Variants in POMGNT2 observed in about 807,000 individuals in gnomAD.
POMGNT2 encodes protein O-linked mannose N-acetylglucosaminyltransferase 2 (beta 1,4-), also known as protein O-linked-mannose beta-1,4-N-acetylglucosaminyltransferase 2.
Under a neutral mutation model 37.8 loss-of-function variants are expected in POMGNT2, and 32 were observed. The ratio of observed to expected loss-of-function variants is 0.85; its 90% CI spans 0.64 to 1.14. The LOEUF is 1.14. Ranked by LOEUF, POMGNT2 falls within the 50% of genes most tolerant of loss-of-function variation. POMGNT2 has a pLI of 0.00. For synonymous variants in POMGNT2, 340 were observed against 336.8 expected, an observed-to-expected ratio of 1.01 and a Z score of -0.10; for missense variants, 705 against 780.6, an observed-to-expected ratio of 0.90 and a Z score of 1.15.
At chr3:43,104,002 C>T (rs1385064708) in intron 1 of POMGNT2, among the ~76,000 whole-genome samples, 1 of 152,194 alleles carries the variant, frequency 6.6e-6, no homozygotes, top group East Asian at 1.9e-4. Flanking sequence ...CTGGCTTTCA[C>T]TCTCAGCCAG....
At chr3:43,103,272 C>A (rs1671373742) in intron 1 of POMGNT2, among the ~76,000 whole-genome samples, 1 of 152,182 alleles carries the variant, frequency 6.6e-6, no homozygotes, top group Non-Finnish European at 1.5e-5. Context: ...CAGTCCAGGG[C>A]TCCTTCTCCT....
At chr3:43,089,219 A>G (rs1171975159) in intron 1 of POMGNT2, among the ~76,000 whole-genome samples, 7 of 152,254 alleles carry the variant, frequency 4.6e-5, no homozygotes, top group African/African-American at 1.7e-4. Context: ...GGTGGGCTTC[A>G]GTGAGCCCTG....
intron 1 of POMGNT2, among the ~76,000 whole-genome samples, chr3:43,090,147 A>G (rs1484914191): frequency 6.6e-6 from 1 of 152,170 alleles, no homozygotes. Context: ...CATTGATAAT[A>G]AAGAGAAACT....
chr3:43,079,663 C>T lies in POMGNT2; in HGVS notation c.*26G>A. 1.3e-6 allele frequency: 2 copies of T among 1,587,246 alleles called. No individual in the cohort carries two copies. Among genetic ancestry groups the T allele is most frequent in the East Asian group, 2.2e-5 (1 of 44,664 alleles). On this transcript the variant is annotated 3_prime_UTR_variant, in exon 2 of 2. Coordinates refer to ENST00000344697, the MANE Select transcript of POMGNT2 (RefSeq NM_032806.6). The stretch of plus-strand genomic sequence containing the variant: ...GACGCTGAACTGCAGGAGCCACCTT[C>T]CCGAGGCCAGGCTGTGGCCTGCTCG...
At position 43,081,164 on chromosome 3, in the gene POMGNT2, C is replaced by G; in HGVS notation, c.268G>C (p.Ala90Pro). The change falls in exon 2 of 2, where the codon GCT (alanine) becomes CCT (proline). Residue 90 changes from alanine to proline, a missense_variant. Physicochemically the swap from Ala to Pro is conservative, Grantham distance 27. Coordinates refer to ENST00000344697, the MANE Select transcript of POMGNT2 (RefSeq NM_032806.6). ...CCATGGAAGAAGATGAACTCCTCAG[C>G]CTCGTTGGAGTAGCAGAGCCACTTG... is the stretch of plus-strand genomic sequence containing the variant. ...RFKWLCYSNE[A>P]EEFIFFHGNT... is the part of the protein sequence containing the mutation. 1 of 1,614,232 alleles carries G rather than the reference C, an allele frequency of 6.2e-7. No homozygotes were observed. The highest frequency in any genetic ancestry group is 8.5e-7 in the Non-Finnish European group (1 of 1,180,042).
At chr3:43,097,121 G>A (rs1479120487) in intron 1 of POMGNT2, among the ~76,000 whole-genome samples, 3 of 152,160 alleles carry the variant, frequency 2.0e-5, no homozygotes. Flanking sequence ...CCAGACACGG[G>A]CACAGAAAAG....
Position 43,081,540 on chromosome 3 carries a change from CA to C in POMGNT2, c.-105-5del. The C allele has an allele frequency of 1.1e-6, 1 of 942,212 alleles. No homozygotes were observed. Among genetic ancestry groups the C allele is most frequent in the Non-Finnish European group, 1.5e-6 (1 of 645,612 alleles). The allele number at this position is 942,212 out of a possible 1,614,324, so 58.4% of individuals were successfully genotyped here. A position where few individuals can be genotyped will look rare whatever the true frequency, so the allele number is the denominator to read the frequency against. ...CATCCTGAGAACTGGTGAAAGCCTG[CA>C]GGAGGAGAGAAGGAAAAGAAAAAGG... is the stretch of plus-strand genomic sequence containing the variant. On this transcript the variant is annotated splice_region_variant and splice_polypyrimidine_tract_variant and intron_variant, in intron 1 of 1. Transcript: ENST00000344697.
chr3:43,094,688 T>C (rs565619394), intron 1 of POMGNT2, among the ~76,000 whole-genome samples: 1 of 152,338 alleles, frequency 6.6e-6, no homozygotes, highest in East Asian at 1.9e-4. Flanking sequence ...GGGATAAGAA[T>C]TCTTTCAGAC....
intron 1 of POMGNT2, among the ~76,000 whole-genome samples, chr3:43,103,165 A>G (rs901653049): frequency 6.6e-6 from 1 of 152,128 alleles, no homozygotes; most frequent in African/African-American, 2.4e-5. Flanking sequence ...ACCCTTAGAA[A>G]TGATTTCCTC....
intron 1 of POMGNT2, among the ~76,000 whole-genome samples, chr3:43,094,326 A>G (rs1174473649): frequency 3.3e-5 from 5 of 152,210 alleles, no homozygotes; most frequent in Non-Finnish European, 7.3e-5. Flanking sequence ...TAAACACACA[A>G]TTCTCTAGGA....
intron 1 of POMGNT2, among the ~76,000 whole-genome samples, chr3:43,091,645 T>C (rs1462092503): frequency 2.0e-5 from 3 of 152,208 alleles, no homozygotes; most frequent in Non-Finnish European, 2.9e-5. Flanking sequence ...GCATATTAAT[T>C]ACAAAGGTAA....
intron 1 of POMGNT2, among the ~76,000 whole-genome samples, chr3:43,099,019 T>C (rs1247486614): frequency 1.3e-5 from 2 of 152,140 alleles, no homozygotes; most frequent in Non-Finnish European, 2.9e-5. Flanking sequence ...TGTGTACCAG[T>C]GTGGTCATAA....
At chr3:43,100,325 T>C (rs993788521) in intron 1 of POMGNT2, among the ~76,000 whole-genome samples, 1 of 152,224 alleles carries the variant, frequency 6.6e-6, no homozygotes, top group African/African-American at 2.4e-5. Flanking sequence ...TTACATTGTA[T>C]TAGGTATTAT....
At chr3:43,085,667 C>T (rs760360142) in intron 1 of POMGNT2, among the ~76,000 whole-genome samples, 8 of 152,044 alleles carry the variant, frequency 5.3e-5, no homozygotes, top group African/African-American at 9.7e-5. Flanking sequence ...GGCATGAAAA[C>T]GGACTAATAC....
chr3:43,088,829 T>C (rs1004270914), intron 1 of POMGNT2, among the ~76,000 whole-genome samples: 6 of 152,250 alleles, frequency 3.9e-5, no homozygotes, highest in African/African-American at 1.4e-4. Flanking sequence ...GCCCCATCTC[T>C]GGACATCCTG....
intron 1 of POMGNT2, among the ~76,000 whole-genome samples, chr3:43,085,106 T>C (rs2089886859): frequency 6.6e-6 from 1 of 151,892 alleles, no homozygotes; most frequent in Admixed American, 6.6e-5. Flanking sequence ...GCACAGAGTG[T>C]GTGTCAGGGT....
At chr3:43,081,989 G>A (rs1375552200) in intron 1 of POMGNT2, among the ~76,000 whole-genome samples, 3 of 152,368 alleles carry the variant, frequency 2.0e-5, no homozygotes, top group East Asian at 1.9e-4. Context: ...ATGACTGAGT[G>A]GGCCCAGCCA....
chr3:43,080,875 G>A lies in POMGNT2; in HGVS notation c.557C>T (p.Ala186Val), dbSNP rs772178128. 3.7e-6 allele frequency: 6 copies of A among 1,614,126 alleles called. No homozygotes were observed. The Middle Eastern group carries it at 8.2e-4, about 222-fold the overall frequency. ...CATGAAGAAGAGCCGTGCCTCGTGG[G>A]CCAGGCCGGGAAACTGCCGCAGGGT... Reference protein sequence around the residue: ...FYTLRQFPGLAHEARLFFMEG... With the variant: ...FYTLRQFPGLVHEARLFFMEG... Residue 186 changes from alanine (A) to valine (V), a missense_variant, in exon 2 of 2, where the codon GCC becomes GTC. Transcript: ENST00000344697.
rs191995429 is a variant in POMGNT2 at position 43,094,782 on chromosome 3, T to C, written c.-106+11054A>G. The stretch of plus-strand genomic sequence containing the variant: ...CAGGATCCCAGCATCACAAGAAATA[T>C]GACTGTGCAGTGACAAGGAACTCCC... On this transcript the variant is annotated intron_variant, in intron 1 of 1. Coordinates refer to ENST00000344697, the MANE Select transcript of POMGNT2 (RefSeq NM_032806.6). Among the ~76,000 whole-genome samples, 88 of 152,292 alleles carry C rather than the reference T, an allele frequency of 5.8e-4. No homozygotes were observed. The East Asian group carries it at 0.016, about 27-fold the overall frequency.
Sources: gnomAD v4.1 joint callset for allele counts (sites outside exome capture counted in the v4.1 genomes callset) on GRCh38, gnomAD v4.1.1 for gene constraint, MANE v1.5 for transcripts, NCBI Gene and HGNC (gene_info 2026-07-23, HGNC 2026-07-21) for gene names.